ST7: variants seen among roughly 807,000 people sequenced by gnomAD.
ST7 encodes suppressor of tumorigenicity 7 protein.
In ST7, 28 loss-of-function variants were observed where a neutral mutation model predicts 78.7. That is an observed-to-expected ratio of 0.36 (90% CI 0.26 to 0.49). The LOEUF (loss-of-function observed/expected upper bound fraction) is 0.49. Ranked by LOEUF, ST7 falls within the 20% of genes least tolerant of loss-of-function variation. The pLI is 0.99. For synonymous variants in ST7, 247 were observed against 249.6 expected (o/e 0.99, Z 0.10); for missense variants, 418 against 696.0 (o/e 0.60, Z 4.49).
At chr7:116,987,032 C>T (rs535027844) in intron 1 of ST7, among the ~76,000 whole-genome samples, 34 of 152,324 alleles carry the variant, frequency 2.2e-4, no homozygotes, top group Non-Finnish European at 4.0e-4. Flanking sequence ...AATCTCCAAC[C>T]TTTGTGCTAC....
chr7:116,990,364 C>G (rs1221248545), intron 1 of ST7, among the ~76,000 whole-genome samples: 1 of 152,032 alleles, frequency 6.6e-6, no homozygotes, highest in East Asian at 1.9e-4. Flanking sequence ...TAAACTCATT[C>G]CTTTTACTTT....
At chr7:117,221,519 G>A (rs989178906) in intron 14 of ST7, among the ~76,000 whole-genome samples, 3 of 152,040 alleles carry the variant, frequency 2.0e-5, no homozygotes, top group African/African-American at 4.8e-5. Context: ...TTTTTTCCCT[G>A]TATACTCGGT....
intron 10 of ST7, among the ~76,000 whole-genome samples, chr7:117,185,748 C>A (rs1229033550): frequency 6.6e-6 from 1 of 151,952 alleles, no homozygotes; most frequent in Admixed American, 6.6e-5. Flanking sequence ...CATGGTGAAA[C>A]CCTGTCTCTA....
chr7:117,137,114 A>G (rs1213565366), intron 8 of ST7: 2 of 152,110 alleles, frequency 1.3e-5, no homozygotes, highest in Non-Finnish European at 2.9e-5. Context: ...AAACTTAGAG[A>G]GTAGGGATGT....
At chr7:116,997,707 C>A (rs1272120522) in intron 1 of ST7, among the ~76,000 whole-genome samples, 4 of 152,204 alleles carry the variant, frequency 2.6e-5, no homozygotes, top group Non-Finnish European at 5.9e-5. Context: ...GGTGTGTTTA[C>A]AAACCTTGAG....
intron 1 of ST7, among the ~76,000 whole-genome samples, chr7:117,078,802 G>A (rs1478020542): frequency 6.6e-6 from 1 of 152,114 alleles, no homozygotes; most frequent in African/African-American, 2.4e-5. Flanking sequence ...CTCTTTTAGT[G>A]TTTCATTTAC....
intron 12 of ST7, chr7:117,198,488 A>G (rs887366226): frequency 6.3e-6 from 2 of 317,386 alleles, no homozygotes; most frequent in African/African-American, 4.4e-5. Flanking sequence ...AGGCTCTAGC[A>G]TGTTCTGGCT....
chr7:117,175,003 A>G (rs1239942710), intron 10 of ST7, among the ~76,000 whole-genome samples: 1 of 152,220 alleles, frequency 6.6e-6, no homozygotes, highest in Non-Finnish European at 1.5e-5. Flanking sequence ...GCCATGGTGC[A>G]GAATTTCAGT....
At chr7:117,030,195 C>T (rs887922122) in intron 1 of ST7, among the ~76,000 whole-genome samples, 2 of 152,126 alleles carry the variant, frequency 1.3e-5, no homozygotes, top group South Asian at 4.1e-4. Context: ...ATTTCTCTCA[C>T]AATGGTGAAA....
At chr7:117,021,021 T>A (rs1426680513) in intron 1 of ST7, among the ~76,000 whole-genome samples, 1 of 152,178 alleles carries the variant, frequency 6.6e-6, no homozygotes, top group Non-Finnish European at 1.5e-5. Flanking sequence ...AGGCTTACAT[T>A]TTTTCATCTA....
rs139724929 is a variant in ST7 at position 116,956,528 on chromosome 7, C to A, written c.151+2837C>A. On this transcript the variant is annotated intron_variant, in intron 1 of 15. Coordinates refer to ENST00000323984, the MANE Select transcript of ST7 (RefSeq NM_001369598.1). ...GTTGCAGATGGCGCAGGCCTCCCTT[C>A]CTCCTCAAGGAAGCCAAAGACACCA... 3.4e-3 allele frequency: 1,582 copies of A among 471,190 alleles called. 13 individuals carry two copies. The highest frequency in any genetic ancestry group is 0.029 in the African/African-American group (1,438 of 50,202). 29.2% of individuals were successfully genotyped at this position (471,190 alleles called of 1,614,324 possible).
intron 12 of ST7, among the ~76,000 whole-genome samples, chr7:117,193,988 A>G (rs1201831989): frequency 6.6e-6 from 1 of 152,124 alleles, no homozygotes; most frequent in Non-Finnish European, 1.5e-5. Context: ...AACTCTCTTC[A>G]CTTGCAGACA....
chr7:116,984,081 T>C (rs1236171783), intron 1 of ST7, among the ~76,000 whole-genome samples: 1 of 151,764 alleles, frequency 6.6e-6, no homozygotes, highest in Admixed American at 6.6e-5. Context: ...GCAGTTTGAA[T>C]GCTAGCTCCA....
chr7:117,182,433 C>G (rs1322974400), intron 10 of ST7, among the ~76,000 whole-genome samples: 1 of 152,170 alleles, frequency 6.6e-6, no homozygotes, highest in African/African-American at 2.4e-5. Context: ...GAATGACGTA[C>G]TGAAACTATT....
intron 1 of ST7, among the ~76,000 whole-genome samples, chr7:117,063,145 T>C (rs1295038179): frequency 6.6e-6 from 1 of 152,234 alleles, no homozygotes; most frequent in African/African-American, 2.4e-5. Flanking sequence ...TGTTTGCTTT[T>C]TTGTTTCTTT....
intron 10 of ST7, among the ~76,000 whole-genome samples, chr7:117,185,467 C>T (rs567456624): frequency 6.8e-4 from 104 of 152,320 alleles, no homozygotes; most frequent in African/African-American, 2.2e-3. Context: ...CCTATAATCT[C>T]GCCATGCAGA....
chr7:117,062,832 AGTTTGTCTATTCT>A (rs1463370007), intron 1 of ST7, among the ~76,000 whole-genome samples: 1 of 152,196 alleles, frequency 6.6e-6, no homozygotes, highest in Non-Finnish European at 1.5e-5. Flanking sequence ...TGACCAACTC[AGTTTGTCTATTCT>A]GTGCCAAAAT....
At chr7:117,126,539 A>G (rs1209365428) in intron 3 of ST7, among the ~76,000 whole-genome samples, 1 of 151,878 alleles carries the variant, frequency 6.6e-6, no homozygotes, top group Non-Finnish European at 1.5e-5. Context: ...GACATAAGCT[A>G]TTATCTTTTT....
At chr7:117,217,306 A>AC (rs1400756759) in intron 13 of ST7, among the ~76,000 whole-genome samples, 3 of 152,070 alleles carry the variant, frequency 2.0e-5, no homozygotes, top group African/African-American at 7.2e-5. Flanking sequence ...AAAACAAAAA[A>AC]AAAAACTTCC....
Sources: allele counts gnomAD v4.1 joint callset (sites outside exome capture counted in the v4.1 genomes callset), GRCh38; gene constraint gnomAD v4.1.1; transcripts MANE v1.5; gene names NCBI Gene and HGNC (gene_info 2026-07-23, HGNC 2026-07-21).